The following NTRK2 variants were observed in gnomAD, a reference collection of about 807,000 sequenced individuals.
NTRK2 encodes neurotrophic receptor tyrosine kinase 2.
In NTRK2, 13 loss-of-function variants were observed where a neutral mutation model predicts 94.5. The observed-to-expected ratio is 0.14, with a 90% CI of 0.09 to 0.22. NTRK2 has a LOEUF of 0.22. Ranked by LOEUF, NTRK2 falls within the 10% of genes least tolerant of loss-of-function variation. The pLI, the probability that NTRK2 is intolerant of heterozygous loss-of-function variation, is 1.00. For synonymous variants in NTRK2, 372 were observed against 407.4 expected (o/e 0.91, Z 1.05); for missense variants, 639 against 1,071.2 (o/e 0.60, Z 5.63).
chr9:84,887,072 G>A lies in NTRK2; in HGVS notation c.1633+19641G>A, dbSNP rs530761297. On this transcript the variant is annotated intron_variant, in intron 14 of 18. Coordinates refer to ENST00000277120, the MANE Select transcript of NTRK2 (RefSeq NM_006180.6). ...GTTTGAACAAAAGATAAGATTCAGCGTGGGCTTGGACTCCGTTCCCAAGAA... is the reference window on the plus strand; with the variant it reads ...GTTTGAACAAAAGATAAGATTCAGCATGGGCTTGGACTCCGTTCCCAAGAA... 3.9e-5 allele frequency among the ~76,000 whole-genome samples: 6 copies of A among 152,328 alleles called. No individual in the cohort carries two copies. In the East Asian group the frequency reaches 1.2e-3, roughly 29 times the overall value.
intron 8 of NTRK2, among the ~76,000 whole-genome samples, chr9:84,726,402 G>A (rs768642891): frequency 1.3e-5 from 2 of 152,184 alleles, no homozygotes; most frequent in Non-Finnish European, 2.9e-5. Context: ...CATGAGAATC[G>A]CTTGAACCTG....
At chr9:84,813,769 A>C in intron 12 of NTRK2, 2 of 1,066,010 alleles carry the variant, frequency 1.9e-6, no homozygotes, top group African/African-American at 3.3e-5. Context: ...TCTTTTCAAC[A>C]GCGCTCATGT....
chr9:85,011,039 C>A (rs1256015857), intron 17 of NTRK2, among the ~76,000 whole-genome samples: 1 of 152,116 alleles, frequency 6.6e-6, no homozygotes, highest in African/African-American at 2.4e-5. Flanking sequence ...CCTTAGCCAA[C>A]TCCCAGGGAA....
chr9:84,754,505 T>C (rs919189602), intron 12 of NTRK2, among the ~76,000 whole-genome samples: 1 of 152,174 alleles, frequency 6.6e-6, no homozygotes. Context: ...ATTTAAACAT[T>C]AATGTGAGTC....
At chr9:84,914,618 G>C (rs890233063) in intron 14 of NTRK2, among the ~76,000 whole-genome samples, 1 of 152,186 alleles carries the variant, frequency 6.6e-6, no homozygotes, top group Admixed American at 6.5e-5. Context: ...GGTAGGAGTG[G>C]CTTTGTCCCT....
intron 13 of NTRK2, among the ~76,000 whole-genome samples, chr9:84,864,067 G>C (rs1488630963): frequency 6.6e-6 from 1 of 152,180 alleles, no homozygotes; most frequent in Non-Finnish European, 1.5e-5. Flanking sequence ...GCTTCGCTGT[G>C]TACTTGGCAG....
intron 17 of NTRK2, among the ~76,000 whole-genome samples, chr9:85,014,560 G>T (rs529713433): frequency 6.6e-6 from 1 of 152,028 alleles, no homozygotes; most frequent in Non-Finnish European, 1.5e-5. Context: ...TAAATTGTTC[G>T]TTAGCCACAA....
chr9:84,867,406 C>T lies in NTRK2; in HGVS notation c.1608C>T (p.Thr536=), dbSNP rs1231824197. 2.5e-6 allele frequency: 4 copies of T among 1,613,796 alleles called. No individual in the cohort carries two copies. Among genetic ancestry groups the T allele is most frequent in the Non-Finnish European group, 3.4e-6 (4 of 1,179,856 alleles). Residue 536 remains threonine, a synonymous_variant, in exon 14 of 19, where the codon ACC becomes ACT. Coordinates refer to ENST00000277120, the MANE Select transcript of NTRK2 (RefSeq NM_006180.6). The part of the protein sequence containing the change: ...VIENPQYFGI[T]NSQLKPDTFV... ...AAAATCCCCAGTACTTTGGCATCAC[C>T]AACAGTCAGCTCAAGCCAGACACAT...
chr9:84,986,957 A>C (rs1268344514), intron 17 of NTRK2, among the ~76,000 whole-genome samples: 2 of 152,250 alleles, frequency 1.3e-5, no homozygotes. Flanking sequence ...GTTTTGAAAC[A>C]CAGGTGATTT....
intron 12 of NTRK2, chr9:84,815,521 T>G (rs76401416): frequency 1.0e-6 from 1 of 984,904 alleles, no homozygotes; most frequent in East Asian, 6.6e-5. Context: ...ATGCCCTGTT[T>G]TTTTTTTTTT....
chr9:84,898,783 A>G (rs2076838793), intron 14 of NTRK2, among the ~76,000 whole-genome samples: 1 of 151,792 alleles, frequency 6.6e-6, no homozygotes, highest in Admixed American at 6.6e-5. Flanking sequence ...GCTCACTGCA[A>G]TCTCTGCCTC....
At chr9:84,871,919 C>T (rs1013549615) in intron 14 of NTRK2, 55 of 1,610,142 alleles carry the variant, frequency 3.4e-5, no homozygotes, top group Non-Finnish European at 4.5e-5. Context: ...TCTGCAAATT[C>T]TGGCCAGACA....
intron 17 of NTRK2, among the ~76,000 whole-genome samples, chr9:84,963,694 T>C (rs1825221523): frequency 6.6e-6 from 1 of 152,218 alleles, no homozygotes; most frequent in Non-Finnish European, 1.5e-5. Flanking sequence ...ATTCTGCTTT[T>C]CCCACCAACC....
Position 85,023,863 on chromosome 9 carries a change from T to G in NTRK2, c.*2426T>G. 1 of 229,616 alleles carries G rather than the reference T, an allele frequency of 4.4e-6. No individual in the cohort carries two copies. The highest frequency in any genetic ancestry group is 2.2e-5 in the African/African-American group (1 of 45,282). 14.2% of individuals were successfully genotyped at this position (229,616 alleles called of 1,614,324 possible). A position where few individuals can be genotyped will look rare whatever the true frequency, so the allele number is the denominator to read the frequency against. On this transcript the variant is annotated 3_prime_UTR_variant, in exon 19 of 19. Transcript: ENST00000277120. ...GGGAAAAGCTACAAGTTATTTATTTTATTTTAAGAGAATAAAGTAGGTAAT... is the reference window on the plus strand; with the variant it reads ...GGGAAAAGCTACAAGTTATTTATTTGATTTTAAGAGAATAAAGTAGGTAAT...
At chr9:84,967,732 G>C (rs538542299) in intron 17 of NTRK2, among the ~76,000 whole-genome samples, 12 of 152,344 alleles carry the variant, frequency 7.9e-5, no homozygotes, top group Admixed American at 2.6e-4. Flanking sequence ...AGCGGAAGCT[G>C]GGGAGGATTT....
intron 12 of NTRK2, among the ~76,000 whole-genome samples, chr9:84,797,619 A>G: frequency 1.3e-5 from 1 of 78,362 alleles, no homozygotes; most frequent in South Asian, 2.9e-4. Flanking sequence ...TAATATATAT[A>G]CTATATATTA....
At chr9:84,768,868 C>T (rs528417997) in intron 12 of NTRK2, among the ~76,000 whole-genome samples, 1 of 152,158 alleles carries the variant, frequency 6.6e-6, no homozygotes, top group Admixed American at 6.5e-5. Context: ...CTGGATAAAC[C>T]AATGTAACAG....
chr9:84,777,286 C>G (rs1204644235), intron 12 of NTRK2, among the ~76,000 whole-genome samples: 1 of 152,136 alleles, frequency 6.6e-6, no homozygotes, highest in Admixed American at 6.5e-5. Context: ...TGACACCGTT[C>G]AGAGAACTCT....
chr9:84,959,134 A>T (rs1039156043), intron 17 of NTRK2, among the ~76,000 whole-genome samples: 5 of 152,268 alleles, frequency 3.3e-5, no homozygotes, highest in South Asian at 4.2e-4. Flanking sequence ...AGTAATTTTT[A>T]AAAATTTTTT....
Sources: gnomAD v4.1 joint callset for allele counts (sites outside exome capture counted in the v4.1 genomes callset) on GRCh38, gnomAD v4.1.1 for gene constraint, MANE v1.5 for transcripts, NCBI Gene and HGNC (gene_info 2026-07-23, HGNC 2026-07-21) for gene names.